NAALADL2: variants seen among roughly 807,000 people sequenced by gnomAD.
The protein encoded by NAALADL2 is inactive N-acetylated-alpha-linked acidic dipeptidase-like protein 2.
A neutral mutation model predicts 87.2 loss-of-function variants in NAALADL2; 76 were observed. The ratio of observed to expected loss-of-function variants is 0.87; its 90% CI spans 0.72 to 1.05. The LOEUF is 1.05. Among genes scored for constraint, NAALADL2 ranks in the 50% least tolerant of loss-of-function variants. NAALADL2 has a pLI of 0.00. For synonymous variants in NAALADL2, 354 were observed against 331.0 expected, an observed-to-expected ratio of 1.07 and a Z score of -0.75; for missense variants, 1,089 against 945.8, an observed-to-expected ratio of 1.15 and a Z score of -1.99.
At chr3:174,501,372 C>T (rs997316283) in intron 1 of NAALADL2, among the ~76,000 whole-genome samples, 4 of 152,202 alleles carry the variant, frequency 2.6e-5, no homozygotes, top group African/African-American at 4.8e-5. Flanking sequence ...GCCACCGCGC[C>T]CGGCCTTTTT....
intron 4 of NAALADL2, among the ~76,000 whole-genome samples, chr3:175,305,280 G>A (rs200769195): frequency 7.1e-6 from 1 of 140,288 alleles, no homozygotes; most frequent in South Asian, 2.2e-4. Context: ...GTATGTGTAT[G>A]TGTGTGTATG....
rs1765370234 is a variant in NAALADL2, at chr3:175,364,675, A to T, written c.1090+40350A>T. On this transcript the variant is annotated intron_variant, in intron 5 of 13. Coordinates refer to ENST00000454872, the MANE Select transcript of NAALADL2 (RefSeq NM_207015.3). ...AGTTCCTTCTTGCCTAAATTAATGG[A>T]GTTCTAATCTCCATTTTTGAAGACA... Among the ~76,000 whole-genome samples the T allele has an allele frequency of 2.7e-5, 4 of 147,660 alleles. 1 individual carries two copies. The highest frequency in any genetic ancestry group is 9.8e-5 in the African/African-American group (4 of 40,674).
intron 5 of NAALADL2, among the ~76,000 whole-genome samples, chr3:175,426,788 T>A (rs1716858906): frequency 1.3e-5 from 2 of 152,170 alleles, no homozygotes; most frequent in Non-Finnish European, 2.9e-5. Context: ...TTTGCTATTT[T>A]AAAAATATAG....
chr3:175,042,784 C>T (rs952702342), intron 1 of NAALADL2, among the ~76,000 whole-genome samples: 1 of 152,122 alleles, frequency 6.6e-6, no homozygotes, highest in Admixed American at 6.6e-5. Flanking sequence ...ATTTGCCCCT[C>T]CAAACCTCAT....
intron 5 of NAALADL2, among the ~76,000 whole-genome samples, chr3:175,359,833 A>G (rs1023141503): frequency 4.6e-5 from 7 of 152,148 alleles, no homozygotes; most frequent in Admixed American, 3.9e-4. Context: ...AATTATTACT[A>G]TAAAACCTAG....
chr3:174,887,483 G>A (rs983730246), intron 1 of NAALADL2, among the ~76,000 whole-genome samples: 2 of 151,970 alleles, frequency 1.3e-5, no homozygotes, highest in African/African-American at 4.8e-5. Context: ...AGTGAATTAT[G>A]ACATACTCAT....
intron 2 of NAALADL2, among the ~76,000 whole-genome samples, chr3:174,589,360 G>T (rs934148258): frequency 6.6e-6 from 1 of 152,180 alleles, no homozygotes; most frequent in Non-Finnish European, 1.5e-5. Flanking sequence ...TTCAGCTCAC[G>T]CTCTGTGGGC....
intron 1 of NAALADL2, among the ~76,000 whole-genome samples, chr3:174,451,843 GTTTTTTTTTTTTTTT>G (rs764587503): frequency 2.0e-5 from 2 of 98,098 alleles, no homozygotes; most frequent in East Asian, 3.2e-4. Context: ...GATAGTGGGA[GTTTTTTTTTTTTTTT>G]TTTTTTTTTT....
chr3:174,748,526 T>A (rs970365023), intron 3 of NAALADL2, among the ~76,000 whole-genome samples: 1 of 152,106 alleles, frequency 6.6e-6, no homozygotes, highest in African/African-American at 2.4e-5. Context: ...AGGGAATAAA[T>A]TCATGTTGTT....
chr3:174,691,029 T>G (rs915148540), intron 2 of NAALADL2, among the ~76,000 whole-genome samples: 2 of 152,172 alleles, frequency 1.3e-5, no homozygotes, highest in Non-Finnish European at 2.9e-5. Context: ...CCAACGCATA[T>G]AAAAGTTATG....
chr3:175,124,275 G>C (rs1726591151), intron 2 of NAALADL2: 1 of 151,922 alleles, frequency 6.6e-6, no homozygotes, highest in Non-Finnish European at 1.5e-5. Context: ...GTTAACATTG[G>C]CTTAGACAAA....
intron 1 of NAALADL2, among the ~76,000 whole-genome samples, chr3:174,947,934 G>C (rs1415393498): frequency 1.3e-5 from 2 of 151,822 alleles, no homozygotes; most frequent in African/African-American, 4.8e-5. Context: ...ATTTAATTTT[G>C]CTGTATACCT....
chr3:174,665,142 C>T (rs1047268783), intron 2 of NAALADL2, among the ~76,000 whole-genome samples: 14 of 152,092 alleles, frequency 9.2e-5, no homozygotes, highest in Admixed American at 5.2e-4. Flanking sequence ...GAAATTATAC[C>T]GGTTTGAGCC....
chr3:175,598,021 G>A (rs1722469239), intron 10 of NAALADL2, among the ~76,000 whole-genome samples: 2 of 151,938 alleles, frequency 1.3e-5, no homozygotes, highest in Non-Finnish European at 2.9e-5. Flanking sequence ...ACATATAGAT[G>A]TATGTATACG....
Position 175,499,625 on chromosome 3 carries a change from G to A in NAALADL2, c.1653+27867G>A, listed in dbSNP as rs145905075. On this transcript the variant is annotated intron_variant, in intron 9 of 13. Coordinates refer to ENST00000454872, the MANE Select transcript of NAALADL2 (RefSeq NM_207015.3). ...ATTGTGGGATTTATGCGACAGGTCC[G>A]TGATTCGGATTGGAGCCTTACGTGG... 8.7e-3 allele frequency among the ~76,000 whole-genome samples: 1,317 copies of A among 152,054 alleles called. 8 individuals are homozygous for A. The highest frequency in any genetic ancestry group is 0.025 in the African/African-American group (1,025 of 41,506).
intron 4 of NAALADL2, among the ~76,000 whole-genome samples, chr3:175,307,535 A>G (rs1757867047): frequency 6.6e-6 from 1 of 152,212 alleles, no homozygotes; most frequent in African/African-American, 2.4e-5. Flanking sequence ...AAATAGAATC[A>G]AATTACCAAA....
chr3:174,697,867 G>C (rs1316114823), intron 2 of NAALADL2, among the ~76,000 whole-genome samples: 1 of 151,950 alleles, frequency 6.6e-6, no homozygotes, highest in South Asian at 2.1e-4. Context: ...CGAGGTGGGT[G>C]GATCACGAAG....
At chr3:175,784,677 G>C (rs1265168210) in intron 13 of NAALADL2, among the ~76,000 whole-genome samples, 1 of 132,056 alleles carries the variant, frequency 7.6e-6, no homozygotes, top group East Asian at 2.0e-4. Context: ...TTAATTTTTT[G>C]AAGGGTTTTT....
intron 10 of NAALADL2, among the ~76,000 whole-genome samples, chr3:175,594,498 A>G (rs1449275645): frequency 6.6e-6 from 1 of 152,124 alleles, no homozygotes; most frequent in Non-Finnish European, 1.5e-5. Flanking sequence ...TTTTGGTGGA[A>G]TAATTTATTT....
Sources: gnomAD v4.1 joint callset for allele counts (sites outside exome capture counted in the v4.1 genomes callset) on GRCh38, gnomAD v4.1.1 for gene constraint, MANE v1.5 for transcripts, NCBI Gene and HGNC (gene_info 2026-07-23, HGNC 2026-07-21) for gene names.